The following WDR70 variants were observed in gnomAD, a reference collection of about 807,000 sequenced individuals.
WDR70 encodes the protein WD repeat domain 70.
WDR70 carries 53 observed loss-of-function variants against 88.6 expected under a neutral mutation model. The observed-to-expected ratio is 0.60, with a 90% CI of 0.48 to 0.75. The LOEUF is 0.75. Among genes scored for constraint, WDR70 ranks in the 30% least tolerant of loss-of-function variants. The pLI is 0.00. For synonymous variants in WDR70, 280 were observed against 270.0 expected, an observed-to-expected ratio of 1.04 and a Z score of -0.36; for missense variants, 610 against 823.2, an observed-to-expected ratio of 0.74 and a Z score of 3.17.
chr5:37,614,451 T>G (rs764894715), intron 10 of WDR70, among the ~76,000 whole-genome samples: 2 of 152,182 alleles, frequency 1.3e-5, no homozygotes, highest in African/African-American at 2.4e-5. Flanking sequence ...GGTAATATAT[T>G]AACAGGTTCC....
intron 10 of WDR70, among the ~76,000 whole-genome samples, chr5:37,654,576 C>CT (rs1325854556): frequency 1.3e-5 from 2 of 152,138 alleles, no homozygotes; most frequent in African/African-American, 4.8e-5. Flanking sequence ...GTGTGAGAGT[C>CT]TAAGTCTCTT....
chr5:37,552,419 C>T (rs895667763), intron 9 of WDR70, among the ~76,000 whole-genome samples: 3 of 152,156 alleles, frequency 2.0e-5, no homozygotes, highest in Non-Finnish European at 4.4e-5. Context: ...TTAATCCTGA[C>T]CTTTAAAGAA....
At chr5:37,720,374 C>T (rs903509050) in intron 13 of WDR70, among the ~76,000 whole-genome samples, 1 of 152,128 alleles carries the variant, frequency 6.6e-6, no homozygotes, top group Admixed American at 6.6e-5. Flanking sequence ...ATCCCTCCCA[C>T]CTCTGCCCTC....
intron 8 of WDR70, among the ~76,000 whole-genome samples, chr5:37,516,071 A>G (rs1350468294): frequency 2.6e-5 from 4 of 152,222 alleles, no homozygotes; most frequent in African/African-American, 9.6e-5. Flanking sequence ...TTTAGGAAAT[A>G]TGGATTTCCC....
intron 13 of WDR70, among the ~76,000 whole-genome samples, chr5:37,712,890 C>T (rs1022626889): frequency 1.1e-4 from 17 of 151,704 alleles, no homozygotes; most frequent in Non-Finnish European, 2.4e-4. Flanking sequence ...TTAGTAGAAA[C>T]AGGGTTTCAC....
At chr5:37,707,635 C>G (rs1371077269) in intron 13 of WDR70, among the ~76,000 whole-genome samples, 1 of 151,718 alleles carries the variant, frequency 6.6e-6, no homozygotes, top group Non-Finnish European at 1.5e-5. Flanking sequence ...ATTGAAAAGG[C>G]CTGGCATGGC....
At chr5:37,627,199 C>G (rs937331006) in intron 10 of WDR70, among the ~76,000 whole-genome samples, 3 of 152,118 alleles carry the variant, frequency 2.0e-5, no homozygotes, top group Non-Finnish European at 4.4e-5. Flanking sequence ...GGTGATCATC[C>G]TGCCTCTGCC....
At chr5:37,610,476 T>G (rs1018718602) in intron 10 of WDR70, among the ~76,000 whole-genome samples, 1 of 152,078 alleles carries the variant, frequency 6.6e-6, no homozygotes, top group East Asian at 1.9e-4. Context: ...TATTTTATTC[T>G]GTGCCACTCC....
At chr5:37,462,162 A>G (rs1188567149) in intron 7 of WDR70, among the ~76,000 whole-genome samples, 1 of 152,086 alleles carries the variant, frequency 6.6e-6, no homozygotes, top group East Asian at 1.9e-4. Context: ...CTTTTTCCTT[A>G]GAAGTCTTAT....
intron 5 of WDR70, among the ~76,000 whole-genome samples, chr5:37,426,568 G>A (rs1750130435): frequency 6.6e-6 from 1 of 152,174 alleles, no homozygotes; most frequent in African/African-American, 2.4e-5. Flanking sequence ...TACATAGCGG[G>A]TGCCTTGGTG....
intron 5 of WDR70, among the ~76,000 whole-genome samples, chr5:37,436,924 A>G (rs1255679917): frequency 1.3e-5 from 2 of 152,296 alleles, no homozygotes; most frequent in East Asian, 3.9e-4. Context: ...TGTAATAGAC[A>G]TATAATATTA....
At chr5:37,505,159 T>C (rs1740523009) in intron 8 of WDR70, among the ~76,000 whole-genome samples, 1 of 152,226 alleles carries the variant, frequency 6.6e-6, no homozygotes, top group South Asian at 2.1e-4. Context: ...TATTACATTG[T>C]CTTTTATCAG....
intron 17 of WDR70, among the ~76,000 whole-genome samples, chr5:37,738,217 TG>T (rs1485947686): frequency 6.6e-6 from 1 of 152,194 alleles, no homozygotes. Context: ...TGTGTCAGAT[TG>T]AAAGTCATGG....
intron 10 of WDR70, among the ~76,000 whole-genome samples, chr5:37,647,896 G>T (rs1421311819): frequency 6.6e-6 from 1 of 152,204 alleles, no homozygotes; most frequent in East Asian, 1.9e-4. Flanking sequence ...AAGAGAGAGA[G>T]TGTGGGGGTG....
intron 17 of WDR70, among the ~76,000 whole-genome samples, chr5:37,728,348 C>CAAAA (rs1271317565): frequency 4.0e-5 from 2 of 49,994 alleles, no homozygotes; most frequent in Non-Finnish European, 4.1e-5. Context: ...ACCTTGCCTC[C>CAAAA]AAAAAAAAAA....
At chr5:37,419,293 G>A (rs1325499438) in intron 5 of WDR70, among the ~76,000 whole-genome samples, 3 of 149,096 alleles carry the variant, frequency 2.0e-5, no homozygotes, top group Non-Finnish European at 3.0e-5. Flanking sequence ...TGCAACTTCC[G>A]TCCTGGGGTT....
At chr5:37,634,741 A>T (rs576957630) in intron 10 of WDR70, among the ~76,000 whole-genome samples, 1 of 152,318 alleles carries the variant, frequency 6.6e-6, no homozygotes, top group East Asian at 1.9e-4. Context: ...CAACTTGGTA[A>T]ATGTTTGTAT....
chr5:37,697,958 A>G (rs1358586009), intron 11 of WDR70: 3 of 464,028 alleles, frequency 6.5e-6, no homozygotes. Flanking sequence ...ATGTTTAAAT[A>G]TTTACTTTTT....
chr5:37,532,425 C>A (rs1741524403), intron 9 of WDR70, among the ~76,000 whole-genome samples: 1 of 152,124 alleles, frequency 6.6e-6, no homozygotes, highest in Non-Finnish European at 1.5e-5. Flanking sequence ...TTAACATAAT[C>A]CCAGAGTTCT....
Sources: allele counts gnomAD v4.1 joint callset (sites outside exome capture counted in the v4.1 genomes callset), GRCh38; gene constraint gnomAD v4.1.1; transcripts MANE v1.5; gene names NCBI Gene and HGNC (gene_info 2026-07-23, HGNC 2026-07-21).